The following HCN1 variants were observed in gnomAD, a reference collection of about 807,000 sequenced individuals.
The protein encoded by HCN1 is hyperpolarization activated cyclic nucleotide gated potassium channel 1.
Under a neutral mutation model 78.9 loss-of-function variants are expected in HCN1, and 13 were observed. The observed-to-expected ratio is 0.16, with a 90% CI of 0.11 to 0.26. The LOEUF is 0.26. Among genes scored for constraint, HCN1 ranks in the 10% least tolerant of loss-of-function variants. HCN1 has a pLI of 1.00. For synonymous variants in HCN1, 552 were observed against 455.5 expected (o/e 1.21, Z -2.70); for missense variants, 810 against 1,154.3 (o/e 0.70, Z 4.32).
intron 4 of HCN1, among the ~76,000 whole-genome samples, chr5:45,378,879 T>A (rs1747745963): frequency 6.6e-6 from 1 of 152,130 alleles, no homozygotes; most frequent in Non-Finnish European, 1.5e-5. Flanking sequence ...GGTGTTTGTT[T>A]TTTTGTCCTT....
chr5:45,540,598 G>A (rs1438468609), intron 2 of HCN1, among the ~76,000 whole-genome samples: 1 of 152,040 alleles, frequency 6.6e-6, no homozygotes, highest in Non-Finnish European at 1.5e-5. Flanking sequence ...CTAAGGTGCT[G>A]GCATTATAGG....
chr5:45,643,326 A>G (rs1290064903), intron 2 of HCN1: 1 of 152,042 alleles, frequency 6.6e-6, no homozygotes, highest in Non-Finnish European at 1.5e-5. Context: ...AAAAATAGTC[A>G]CATTGCTACT....
chr5:45,404,449 TAA>T (rs1224494473), intron 3 of HCN1, among the ~76,000 whole-genome samples: 1 of 151,968 alleles, frequency 6.6e-6, no homozygotes, highest in Admixed American at 6.6e-5. Flanking sequence ...TTTTTGTTAT[TAA>T]AAGTGTTCAT....
chr5:45,666,271 C>T (rs914198196), intron 1 of HCN1, among the ~76,000 whole-genome samples: 3 of 152,008 alleles, frequency 2.0e-5, no homozygotes, highest in Non-Finnish European at 4.4e-5. Flanking sequence ...GTTTCCTTAG[C>T]CAGCATGCTG....
chr5:45,634,634 C>T (rs1022400201), intron 2 of HCN1, among the ~76,000 whole-genome samples: 10 of 151,954 alleles, frequency 6.6e-5, no homozygotes, highest in African/African-American at 2.4e-4. Context: ...ACTGGCACTC[C>T]TTGGTAATCA....
At chr5:45,582,818 A>G (rs567033402) in intron 2 of HCN1, among the ~76,000 whole-genome samples, 1 of 152,262 alleles carries the variant, frequency 6.6e-6, no homozygotes, top group African/African-American at 2.4e-5. Context: ...ATACTGGATT[A>G]CATTTATTGA....
At chr5:45,289,208 T>G (rs1745325858) in intron 6 of HCN1, among the ~76,000 whole-genome samples, 1 of 152,084 alleles carries the variant, frequency 6.6e-6, no homozygotes, top group South Asian at 2.1e-4. Context: ...TTTAAATTGC[T>G]TCCAAATGTA....
chr5:45,570,655 A>G (rs1256851203), intron 2 of HCN1, among the ~76,000 whole-genome samples: 1 of 152,206 alleles, frequency 6.6e-6, no homozygotes, highest in East Asian at 1.9e-4. Flanking sequence ...TAAACTGGAT[A>G]GTTGATCTAG....
chr5:45,492,905 A>T (rs1323812585), intron 2 of HCN1, among the ~76,000 whole-genome samples: 1 of 152,164 alleles, frequency 6.6e-6, no homozygotes, highest in African/African-American at 2.4e-5. Flanking sequence ...TAGAGTATGG[A>T]AAGCTTAGAA....
chr5:45,688,918 A>G (rs1739855903), intron 1 of HCN1, among the ~76,000 whole-genome samples: 1 of 152,110 alleles, frequency 6.6e-6, no homozygotes, highest in South Asian at 2.1e-4. Flanking sequence ...CTGATATAAA[A>G]TATTCAGAAT....
intron 7 of HCN1, among the ~76,000 whole-genome samples, chr5:45,265,187 C>CT (rs1236350087): frequency 1.4e-5 from 2 of 145,984 alleles, no homozygotes; most frequent in Non-Finnish European, 1.5e-5. Context: ...AAGATTCTGT[C>CT]TTAAAAAAAA....
intron 6 of HCN1, among the ~76,000 whole-genome samples, chr5:45,299,015 C>T (rs570608244): frequency 4.6e-5 from 7 of 152,006 alleles, no homozygotes; most frequent in African/African-American, 1.4e-4. Context: ...CAGACAAATC[C>T]CAATTGAGGG....
At chr5:45,648,562 T>C (rs1226768027) in intron 1 of HCN1, among the ~76,000 whole-genome samples, 3 of 152,070 alleles carry the variant, frequency 2.0e-5, no homozygotes, top group Non-Finnish European at 4.4e-5. Context: ...AATACAATCA[T>C]CACCTGTTCT....
At chr5:45,597,322 T>C (rs1744521579) in intron 2 of HCN1, among the ~76,000 whole-genome samples, 1 of 152,134 alleles carries the variant, frequency 6.6e-6, no homozygotes, top group Non-Finnish European at 1.5e-5. Flanking sequence ...AAAAAACACA[T>C]GATTATCTCA....
chr5:45,380,634 A>T (rs554944124), intron 4 of HCN1, among the ~76,000 whole-genome samples: 110 of 152,200 alleles, frequency 7.2e-4, no homozygotes, highest in Middle Eastern at 3.4e-3. Context: ...AAAAAATAAA[A>T]ACTAGAGCAC....
chr5:45,339,587 G>T (rs1746532787), intron 5 of HCN1, among the ~76,000 whole-genome samples: 1 of 152,116 alleles, frequency 6.6e-6, no homozygotes, highest in African/African-American at 2.4e-5. Flanking sequence ...GTCATGAGCA[G>T]GTTCTAAGAA....
intron 3 of HCN1, among the ~76,000 whole-genome samples, chr5:45,404,573 G>A (rs1384861221): frequency 5.3e-5 from 8 of 150,136 alleles, no homozygotes; most frequent in African/African-American, 2.0e-4. Context: ...TATTCCACCT[G>A]AGAACTTTCT....
intron 4 of HCN1, among the ~76,000 whole-genome samples, chr5:45,376,087 ATT>A (rs1747647122): frequency 9.0e-6 from 1 of 111,384 alleles, no homozygotes; most frequent in Non-Finnish European, 1.6e-5. Context: ...TATATATTAT[ATT>A]ATATATAATA....
chr5:45,574,777 T>C (rs1008340200), intron 2 of HCN1: 1 of 152,214 alleles, frequency 6.6e-6, no homozygotes, highest in East Asian at 1.9e-4. Flanking sequence ...ACAGGAGTGA[T>C]AAGAAAGAGA....
Sources: gnomAD v4.1 joint callset for allele counts (sites outside exome capture counted in the v4.1 genomes callset) on GRCh38, gnomAD v4.1.1 for gene constraint, MANE v1.5 for transcripts, NCBI Gene and HGNC (gene_info 2026-07-23, HGNC 2026-07-21) for gene names.